Variants in STX8 observed in about 807,000 individuals in gnomAD.
STX8 encodes the protein syntaxin 8.
STX8 carries 23 observed loss-of-function variants against 37.5 expected under a neutral mutation model. The ratio of observed to expected loss-of-function variants is 0.61; its 90% CI spans 0.44 to 0.87. STX8 has a LOEUF of 0.87. Ranked by LOEUF, STX8 falls within the 40% of genes least tolerant of loss-of-function variation. STX8 has a pLI of 0.00. For missense variants in STX8, 313 were observed against 284.7 expected, an observed-to-expected ratio of 1.10 and a Z score of -0.71; for synonymous variants, 115 against 99.1, an observed-to-expected ratio of 1.16 and a Z score of -0.95.
At chr17:9,264,319 T>G (rs925257909) in intron 7 of STX8, among the ~76,000 whole-genome samples, 1 of 152,218 alleles carries the variant, frequency 6.6e-6, no homozygotes, top group African/African-American at 2.4e-5. Flanking sequence ...CTTTTACCTT[T>G]TTTGAGACAG....
At position 9,574,526 on chromosome 17, in the gene STX8, G is replaced by T. The variant is rs1271409292; in HGVS notation, c.17+1266C>A. On this transcript the variant is annotated intron_variant, in intron 1 of 7. Coordinates refer to ENST00000306357, the MANE Select transcript of STX8 (RefSeq NM_004853.3). Reference sequence around the variant, plus strand: ...GGTGTATATAACTGTTAAAATTAGGGATTTTGGGGTTTTTTATTTTTTTTT... The same window carrying T: ...GGTGTATATAACTGTTAAAATTAGGTATTTTGGGGTTTTTTATTTTTTTTT... Among the ~76,000 whole-genome samples, 5 of 122,460 alleles carry T rather than the reference G, an allele frequency of 4.1e-5. 1 individual carries two copies. The highest frequency in any genetic ancestry group is 8.5e-5 in the Non-Finnish European group (5 of 58,604). The allele number at this position is 122,460 out of a possible 152,430, so 80.3% of individuals were successfully genotyped here.
chr17:9,300,498 G>A (rs1252523855), intron 7 of STX8, among the ~76,000 whole-genome samples: 1 of 151,978 alleles, frequency 6.6e-6, no homozygotes, highest in Admixed American at 6.6e-5. Context: ...CCTTAGAAAT[G>A]TTTTGTAGTT....
chr17:9,281,549 T>C (rs1907883544), intron 7 of STX8, among the ~76,000 whole-genome samples: 1 of 152,102 alleles, frequency 6.6e-6, no homozygotes, highest in African/African-American at 2.4e-5. Flanking sequence ...CAGGGGAAAT[T>C]TTCCTGTTTG....
intron 6 of STX8, among the ~76,000 whole-genome samples, chr17:9,464,588 G>A (rs1378808440): frequency 6.6e-6 from 1 of 152,138 alleles, no homozygotes. Flanking sequence ...AAAATCTCAA[G>A]TATCTCAAGA....
At position 9,286,544 on chromosome 17, in the gene STX8, C is replaced by A. The variant is rs75177758; in HGVS notation, c.644-35899G>T. 5.6e-3 allele frequency among the ~76,000 whole-genome samples: 848 copies of A among 152,328 alleles called. 12 individuals are homozygous for A. Among genetic ancestry groups the A allele is most frequent in the Admixed American group, 0.033 (498 of 15,296 alleles). ...GCAGCGATATTTCACCTCAATACAT[C>A]TTTCAAGTTTGATAGCTTGTAAGCT... On this transcript the variant is annotated intron_variant, in intron 7 of 7. Coordinates refer to ENST00000306357, the MANE Select transcript of STX8 (RefSeq NM_004853.3).
chr17:9,377,470 T>C (rs1331488032), intron 7 of STX8, among the ~76,000 whole-genome samples: 5 of 152,074 alleles, frequency 3.3e-5, no homozygotes, highest in Admixed American at 6.6e-5. Flanking sequence ...CTGGCTAATT[T>C]TTAAAATTAA....
chr17:9,311,036 A>G (rs796828883), intron 7 of STX8, among the ~76,000 whole-genome samples: 1 of 152,262 alleles, frequency 6.6e-6, no homozygotes, highest in African/African-American at 2.4e-5. Flanking sequence ...CAGGAGTTCG[A>G]GACCAGCCTG....
At chr17:9,334,138 CG>C (rs1204438098) in intron 7 of STX8, among the ~76,000 whole-genome samples, 333 of 47,116 alleles carry the variant, frequency 7.1e-3, no homozygotes, top group Admixed American at 0.019. Flanking sequence ...TTCCTGGGTG[CG>C]GGGGGGTGTG....
intron 7 of STX8, among the ~76,000 whole-genome samples, chr17:9,336,189 C>T (rs1446293449): frequency 1.3e-5 from 2 of 152,104 alleles, no homozygotes; most frequent in Non-Finnish European, 2.9e-5. Context: ...GGATTCAACA[C>T]CTTGTAGAAA....
chr17:9,359,513 T>TA, intron 7 of STX8, among the ~76,000 whole-genome samples: 1 of 147,816 alleles, frequency 6.8e-6, no homozygotes, highest in African/African-American at 2.5e-5. Flanking sequence ...ATTTTTTTTT[T>TA]TTTTTTTTTT....
chr17:9,258,490 G>C (rs1417942893), intron 7 of STX8, among the ~76,000 whole-genome samples: 1 of 152,234 alleles, frequency 6.6e-6, no homozygotes, highest in Non-Finnish European at 1.5e-5. Flanking sequence ...GGGGGACCCA[G>C]AGTGTGACAC....
chr17:9,361,772 CTGGATGCCTCTTA>C (rs1911071246), intron 7 of STX8, among the ~76,000 whole-genome samples: 1 of 152,178 alleles, frequency 6.6e-6, no homozygotes, highest in South Asian at 2.1e-4. Context: ...CTGGCAGGAG[CTGGATGCCTCTTA>C]AACAGAGTGG....
chr17:9,517,260 T>C (rs986207238), intron 4 of STX8, among the ~76,000 whole-genome samples: 3 of 152,140 alleles, frequency 2.0e-5, no homozygotes, highest in African/African-American at 7.2e-5. Flanking sequence ...GACTATAAGC[T>C]CCACAAGGGC....
At chr17:9,491,427 C>A (rs1906847462) in intron 6 of STX8, among the ~76,000 whole-genome samples, 1 of 152,048 alleles carries the variant, frequency 6.6e-6, no homozygotes, top group Non-Finnish European at 1.5e-5. Flanking sequence ...ATCTTCAAAC[C>A]CTTTTTTGCC....
At chr17:9,515,277 T>C (rs1257732318) in intron 4 of STX8, among the ~76,000 whole-genome samples, 2 of 152,236 alleles carry the variant, frequency 1.3e-5, no homozygotes, top group Admixed American at 6.5e-5. Flanking sequence ...ACAAAAGCTA[T>C]ATTAATTTCA....
At chr17:9,424,513 G>T (rs144517614) in intron 6 of STX8, among the ~76,000 whole-genome samples, 1 of 151,950 alleles carries the variant, frequency 6.6e-6, no homozygotes, top group Non-Finnish European at 1.5e-5. Flanking sequence ...AAAGTGCAGC[G>T]CCTGGCCTTC....
chr17:9,557,638 G>A (rs1907032826), intron 2 of STX8, 110 bp from the exon 3 acceptor site: 2 of 902,548 alleles, frequency 2.2e-6, no homozygotes, highest in Non-Finnish European at 3.5e-6. Flanking sequence ...AGCAAGGGCT[G>A]GAAGAGATAG....
rs181529548 is a variant in STX8 at position 9,496,385 on chromosome 17, T to C, written c.449-4464A>G. Among the ~76,000 whole-genome samples, 24 of 152,278 alleles carry C rather than the reference T, an allele frequency of 1.6e-4. No homozygotes were observed. In the East Asian group the frequency reaches 3.9e-3, roughly 24 times the overall value. On this transcript the variant is annotated intron_variant, in intron 5 of 7. Transcript: ENST00000306357. ...GCCACCACACCCAGCCACCATGTAC[T>C]TTCTTACCAACAAAACTACCATCAT...
At chr17:9,561,664 CAAAAAAAAAAAA>C (rs11353116) in intron 2 of STX8, among the ~76,000 whole-genome samples, 3 of 66,672 alleles carry the variant, frequency 4.5e-5, no homozygotes, top group Admixed American at 4.7e-4. Context: ...TCCATCTGGC[CAAAAAAAAAAAA>C]AAAAAAAAAA....
Sources: gnomAD v4.1 joint callset for allele counts (sites outside exome capture counted in the v4.1 genomes callset) on GRCh38, gnomAD v4.1.1 for gene constraint, MANE v1.5 for transcripts, NCBI Gene and HGNC (gene_info 2026-07-23, HGNC 2026-07-21) for gene names.